TCAF1: variants seen among roughly 807,000 people sequenced by gnomAD.
TCAF1 encodes the protein TRPM8 channel-associated factor 1.
TCAF1 carries 4 observed loss-of-function variants against 27.3 expected under a neutral mutation model. That is an observed-to-expected ratio of 0.15 (90% CI 0.07 to 0.34). TCAF1 has a LOEUF of 0.34. TCAF1 is among the 10% of genes least tolerant of loss of function. The pLI is 1.00. For missense variants in TCAF1, 257 were observed against 425.8 expected (o/e 0.60, Z 3.49); for synonymous variants, 105 against 167.1 (o/e 0.63, Z 2.87).
At chr7:143,881,701 T>C (rs894659563) in intron 1 of TCAF1, among the ~76,000 whole-genome samples, 1 of 152,108 alleles carries the variant, frequency 6.6e-6, no homozygotes, top group Admixed American at 6.5e-5. Flanking sequence ...ATCCTCCCCA[T>C]TCAGCCCCTC....
At chr7:143,882,635 C>T in intron 1 of TCAF1, 1 of 984,920 alleles carries the variant, frequency 1.0e-6, no homozygotes, top group Non-Finnish European at 1.2e-6. Flanking sequence ...GCACCCCCGC[C>T]CCGGCCTCCC....
chr7:143,895,267 G>GA (rs1018870504), intron 1 of TCAF1, among the ~76,000 whole-genome samples: 4 of 151,568 alleles, frequency 2.6e-5, no homozygotes, highest in East Asian at 1.9e-4. Context: ...AGAAACACTG[G>GA]AAAAAATAAA....
At chr7:143,879,159 C>A (rs1444362776) in intron 1 of TCAF1, among the ~76,000 whole-genome samples, 1 of 152,150 alleles carries the variant, frequency 6.6e-6, no homozygotes, top group East Asian at 1.9e-4. Flanking sequence ...CCATTCTGTT[C>A]CCTCTCCCAA....
chr7:143,896,276 G>T (rs1479615668), intron 1 of TCAF1, among the ~76,000 whole-genome samples: 2 of 151,742 alleles, frequency 1.3e-5, no homozygotes, highest in Non-Finnish European at 3.0e-5. Flanking sequence ...ATAATGTAAG[G>T]TCCCTACATT....
chr7:143,882,029 A>G (rs559826022), intron 1 of TCAF1: 2 of 152,302 alleles, frequency 1.3e-5, no homozygotes, highest in Non-Finnish European at 2.9e-5. Flanking sequence ...AAACTCCCAG[A>G]GGCTGTCAGC....
chr7:143,896,593 T>C (rs1197087601), intron 1 of TCAF1, among the ~76,000 whole-genome samples: 1 of 152,100 alleles, frequency 6.6e-6, no homozygotes, highest in Non-Finnish European at 1.5e-5. Flanking sequence ...GAATTGGCAC[T>C]ATGCAATCTC....
chr7:143,895,339 G>A (rs2116865709), intron 1 of TCAF1, among the ~76,000 whole-genome samples: 1 of 151,902 alleles, frequency 6.6e-6, no homozygotes, highest in East Asian at 1.9e-4. Flanking sequence ...AGAAAAAAAA[G>A]TACTGCTATA....
chr7:143,879,030 G>A (rs1034455143), intron 1 of TCAF1, among the ~76,000 whole-genome samples: 1 of 152,184 alleles, frequency 6.6e-6, no homozygotes, highest in South Asian at 2.1e-4. Flanking sequence ...CTGCAGAGCT[G>A]GCTGCTCCCT....
At chr7:143,901,059 T>C (rs1048005254) in intron 1 of TCAF1, among the ~76,000 whole-genome samples, 1 of 152,174 alleles carries the variant, frequency 6.6e-6, no homozygotes, top group Non-Finnish European at 1.5e-5. Context: ...TGGGCATCAG[T>C]TGGGACTCAT....
At chr7:143,874,692 T>C (rs1812592335) in intron 2 of TCAF1, among the ~76,000 whole-genome samples, 1 of 152,142 alleles carries the variant, frequency 6.6e-6, no homozygotes, top group South Asian at 2.1e-4. Context: ...AAGGACATGC[T>C]AGTGCCACAC....
At chr7:143,885,111 C>CA (rs1562968386) in intron 1 of TCAF1, 13 of 985,428 alleles carry the variant, frequency 1.3e-5, no homozygotes, top group Non-Finnish European at 1.6e-5. Flanking sequence ...CTCCTTCTCC[C>CA]ACCCGCACCT....
intron 1 of TCAF1, among the ~76,000 whole-genome samples, chr7:143,895,002 G>C (rs1041779515): frequency 6.6e-6 from 1 of 151,596 alleles, no homozygotes; most frequent in Non-Finnish European, 1.5e-5. Context: ...AGTCATCAAA[G>C]TAATACAAAT....
chr7:143,877,623 C>T (rs1228266287), intron 1 of TCAF1, among the ~76,000 whole-genome samples: 1 of 152,218 alleles, frequency 6.6e-6, no homozygotes, highest in Non-Finnish European at 1.5e-5. Flanking sequence ...ATGAGATCCC[C>T]ACTAATGATG....
chr7:143,879,254 A>T (rs1448027691), intron 1 of TCAF1, among the ~76,000 whole-genome samples: 1 of 152,212 alleles, frequency 6.6e-6, no homozygotes, highest in East Asian at 1.9e-4. Flanking sequence ...GTGTGGAAAA[A>T]ATGCTCAATC....
chr7:143,878,089 G>A (rs2116787249), intron 1 of TCAF1, among the ~76,000 whole-genome samples: 1 of 152,226 alleles, frequency 6.6e-6, no homozygotes, highest in Non-Finnish European at 1.5e-5. Context: ...TAATTAAATA[G>A]GAATAATAAT....
chr7:143,885,454 G>C (rs926841314), intron 1 of TCAF1: 2 of 985,390 alleles, frequency 2.0e-6, no homozygotes, highest in Non-Finnish European at 2.4e-6. Flanking sequence ...GCAGAGGCCC[G>C]GCTTTGTGTC....
At chr7:143,891,849 A>G (rs528952892) in intron 1 of TCAF1, among the ~76,000 whole-genome samples, 51 of 152,190 alleles carry the variant, frequency 3.4e-4, no homozygotes, top group Non-Finnish European at 6.0e-4. Context: ...AACCAAATTC[A>G]TAGAGAAAAT....
chr7:143,895,311 A>C (rs1448437738), intron 1 of TCAF1, among the ~76,000 whole-genome samples: 1 of 151,890 alleles, frequency 6.6e-6, no homozygotes, highest in Admixed American at 6.6e-5. Flanking sequence ...AATTTGTGAT[A>C]TACTTATACA....
intron 1 of TCAF1, chr7:143,885,185 G>C: frequency 5.1e-6 from 5 of 985,502 alleles, no homozygotes; most frequent in Non-Finnish European, 6.0e-6. Context: ...TCTGGTCCCC[G>C]AAACCAGCTT....
Sources: allele counts gnomAD v4.1 joint callset (sites outside exome capture counted in the v4.1 genomes callset), GRCh38; gene constraint gnomAD v4.1.1; transcripts MANE v1.5; gene names NCBI Gene and HGNC (gene_info 2026-07-23, HGNC 2026-07-21).